KSR1: variants seen among roughly 807,000 people sequenced by gnomAD.
KSR1 encodes the protein kinase suppressor of ras.
In KSR1, 35 loss-of-function variants were observed where a neutral mutation model predicts 92.9. The ratio of observed to expected loss-of-function variants is 0.38; its 90% confidence interval spans 0.29 to 0.50. The LOEUF (loss-of-function observed/expected upper bound fraction) is 0.50. KSR1 is among the 20% of genes least tolerant of loss of function. The pLI is 0.94. For synonymous variants in KSR1, 467 were observed against 472.6 expected, an observed-to-expected ratio of 0.99 and a Z score of 0.15; for missense variants, 972 against 1,158.5, an observed-to-expected ratio of 0.84 and a Z score of 2.34.
At chr17:27,605,305 A>C in intron 13 of KSR1, 129 bp from the exon 14 acceptor site, 1 of 1,226,528 alleles carries the variant, frequency 8.2e-7, no homozygotes, top group Non-Finnish European at 1.1e-6. Flanking sequence ...GCAGAGCTGC[A>C]ACTACAACCT....
intron 1 of KSR1, among the ~76,000 whole-genome samples, chr17:27,503,906 T>C (rs1308369386): frequency 2.6e-5 from 4 of 152,190 alleles, no homozygotes; most frequent in Admixed American, 6.5e-5. Flanking sequence ...CTCTGTTGTT[T>C]ATACTACTGG....
intron 3 of KSR1, among the ~76,000 whole-genome samples, chr17:27,580,553 G>C (rs552461683): frequency 6.6e-6 from 1 of 152,226 alleles, no homozygotes; most frequent in East Asian, 1.9e-4. Context: ...TAGCATTGTC[G>C]GGGGCAAGGT....
chr17:27,461,934 A>G (rs893095848), intron 1 of KSR1, among the ~76,000 whole-genome samples: 1 of 115,488 alleles, frequency 8.7e-6, no homozygotes, highest in Non-Finnish European at 2.0e-5. Context: ...AATGCCGGGG[A>G]GAAGCAGCAA....
intron 19 of KSR1, 148 bp from the exon 20 acceptor site, chr17:27,621,045 C>T (rs2074209267): frequency 7.6e-6 from 3 of 396,174 alleles, no homozygotes; most frequent in East Asian, 3.6e-5. Context: ...TTTTTATTTT[C>T]GGGGGGTGGC....
Position 27,529,039 on chromosome 17 carries a change from G to A in KSR1, c.232-21529G>A, listed in dbSNP as rs892127044. Reference sequence around the variant, plus strand: ...TTTTATGATTATAAAAATGACACCCGTTCTTTAAAAATACAAAAAAGTAAA... The same window carrying A: ...TTTTATGATTATAAAAATGACACCCATTCTTTAAAAATACAAAAAAGTAAA... On this transcript the variant is annotated intron_variant, in intron 1 of 20. Coordinates refer to ENST00000644974, the MANE Select transcript of KSR1 (RefSeq NM_001394583.1). Among the ~76,000 whole-genome samples the A allele has an allele frequency of 6.6e-5, 10 of 152,060 alleles. No individual in the cohort carries two copies. The Middle Eastern group carries it at 0.01, about 155-fold the overall frequency.
intron 1 of KSR1, among the ~76,000 whole-genome samples, chr17:27,473,355 C>T (rs984936801): frequency 2.0e-5 from 3 of 152,140 alleles, no homozygotes; most frequent in African/African-American, 7.2e-5. Flanking sequence ...TTGGCAGTCT[C>T]GTTTTTCGCA....
At chr17:27,550,188 C>T (rs530361500) in intron 1 of KSR1, among the ~76,000 whole-genome samples, 6 of 152,316 alleles carry the variant, frequency 3.9e-5, no homozygotes, top group South Asian at 4.1e-4. Context: ...TACAGGCATG[C>T]GCCACCATGC....
chr17:27,516,472 T>C (rs981113171), intron 1 of KSR1, among the ~76,000 whole-genome samples: 18 of 152,268 alleles, frequency 1.2e-4, no homozygotes, highest in African/African-American at 4.3e-4. Flanking sequence ...CATGTGCCTT[T>C]GTCCTCGCTC....
chr17:27,625,326 G>T lies in KSR1; in HGVS notation c.*1934G>T, dbSNP rs765264265. On this transcript the variant is annotated 3_prime_UTR_variant, in exon 21 of 21. Transcript: ENST00000644974. ...ACCAGGCCGCAGTGGGCATGCACAGGCCCACAGAAAGTCAGTCTGGGTTTT... is the reference window on the plus strand; with the variant it reads ...ACCAGGCCGCAGTGGGCATGCACAGTCCCACAGAAAGTCAGTCTGGGTTTT... 6.6e-6 allele frequency: 1 copy of T among 152,300 alleles called. No homozygotes were observed. The highest frequency in any genetic ancestry group is 1.5e-5 in the Non-Finnish European group (1 of 68,076). 9.4% of individuals were successfully genotyped at this position (152,300 alleles called of 1,614,324 possible). A position where few individuals can be genotyped will look rare whatever the true frequency, so the allele number is the denominator to read the frequency against.
At chr17:27,570,575 C>T (rs2072266669) in intron 2 of KSR1, among the ~76,000 whole-genome samples, 1 of 152,212 alleles carries the variant, frequency 6.6e-6, no homozygotes, top group African/African-American at 2.4e-5. Context: ...AGAAGCCAAT[C>T]CTGAAGGTTC....
At chr17:27,546,687 G>A (rs1223641220) in intron 1 of KSR1, among the ~76,000 whole-genome samples, 4 of 152,186 alleles carry the variant, frequency 2.6e-5, no homozygotes, top group Non-Finnish European at 4.4e-5. Context: ...GAGCTGGGGG[G>A]CTGGGGGAAG....
intron 1 of KSR1, among the ~76,000 whole-genome samples, chr17:27,515,341 G>A (rs923491507): frequency 1.3e-5 from 2 of 152,152 alleles, no homozygotes; most frequent in African/African-American, 4.8e-5. Context: ...TCTTACAAAT[G>A]TATTACAGTT....
chr17:27,543,411 G>A (rs1275312946), intron 1 of KSR1, among the ~76,000 whole-genome samples: 1 of 152,228 alleles, frequency 6.6e-6, no homozygotes, highest in Non-Finnish European at 1.5e-5. Context: ...GGATGACAAG[G>A]AAGGGACCTG....
chr17:27,561,466 A>G (rs2071825031), intron 2 of KSR1, among the ~76,000 whole-genome samples: 1 of 152,196 alleles, frequency 6.6e-6, no homozygotes, highest in African/African-American at 2.4e-5. Flanking sequence ...TCTGTCCTGG[A>G]TGCTTACAGC....
chr17:27,466,341 T>C (rs1159334135), intron 1 of KSR1, among the ~76,000 whole-genome samples: 2 of 152,222 alleles, frequency 1.3e-5, no homozygotes, highest in Non-Finnish European at 2.9e-5. Flanking sequence ...AATTGCCTTT[T>C]TTACAAAGGG....
At chr17:27,610,345 T>C in intron 17 of KSR1, 147 bp downstream of exon 17, 1 of 1,065,062 alleles carries the variant, frequency 9.4e-7, no homozygotes, top group South Asian at 1.5e-5. Context: ...GCTCTGCCGC[T>C]TGTTGAGTGC....
chr17:27,465,822 G>A (rs1317160908), intron 1 of KSR1, among the ~76,000 whole-genome samples: 1 of 151,934 alleles, frequency 6.6e-6, no homozygotes. Context: ...GGATAAGGGA[G>A]ACCAGCTTCA....
chr17:27,458,517 G>T (rs925137833), intron 1 of KSR1, among the ~76,000 whole-genome samples: 4 of 152,192 alleles, frequency 2.6e-5, no homozygotes, highest in African/African-American at 9.7e-5. Flanking sequence ...ATGGCCTTTT[G>T]TCCTACCCTA....
At position 27,577,811 on chromosome 17, in the gene KSR1, A is replaced by G. The variant is rs1218253441; in HGVS notation, c.520+172A>G. The G allele has an allele frequency of 1.4e-6, 1 of 709,276 alleles. No homozygotes were observed. 43.9% of individuals were successfully genotyped at this position (709,276 alleles called of 1,614,324 possible). On this transcript the variant is annotated intron_variant, in intron 3 of 20. Transcript: ENST00000644974. The surrounding 1 kb of genome is among the most constrained non-coding windows in gnomAD (Gnocchi z 4.5). ...CCTGAGAAGCTCTCCCAGGGTCCTC[A>G]GGGCTCTGGATCCTGGTGGGTCTGG...
Sources: allele counts gnomAD v4.1 joint callset (sites outside exome capture counted in the v4.1 genomes callset), GRCh38; gene constraint gnomAD v4.1.1; non-coding constraint Gnocchi (gnomAD v3.1); transcripts MANE v1.5; gene names NCBI Gene and HGNC (gene_info 2026-07-23, HGNC 2026-07-21).